MBD5: variants seen among roughly 807,000 people sequenced by gnomAD.
MBD5 encodes the protein methyl-CpG binding domain protein 5.
Under a neutral mutation model 117.3 loss-of-function variants are expected in MBD5, and 13 were observed. That is an observed-to-expected ratio of 0.11 (90% CI 0.07 to 0.18). The LOEUF (loss-of-function observed/expected upper bound fraction) is 0.18, where lower values mean the gene tolerates loss of function less well. Ranked by LOEUF, MBD5 falls within the 10% of genes least tolerant of loss-of-function variation. The pLI, the probability that MBD5 is intolerant of heterozygous loss-of-function variation, is 1.00. For synonymous variants in MBD5, 727 were observed against 766.4 expected (o/e 0.95, Z 0.85); for missense variants, 1,879 against 2,093.8 (o/e 0.90, Z 2.00).
chr2:148,248,863 T>C (rs1700403393), intron 3 of MBD5, among the ~76,000 whole-genome samples: 1 of 151,954 alleles, frequency 6.6e-6, no homozygotes, highest in Non-Finnish European at 1.5e-5. Context: ...TAAAAGAGGA[T>C]ATAAAATTAG....
rs190613776 is a variant in MBD5 at position 148,294,666 on chromosome 2, A to G, written c.-679-47548A>G. 3.6e-3 allele frequency among the ~76,000 whole-genome samples: 543 copies of G among 151,300 alleles called. 2 individuals are homozygous for G. Among genetic ancestry groups the G allele is most frequent in the Non-Finnish European group, 7.0e-3 (473 of 67,866 alleles). On this transcript the variant is annotated intron_variant, in intron 3 of 13. Coordinates refer to ENST00000642680, the MANE Select transcript of MBD5 (RefSeq NM_001378120.1). ...TACAGCCACACACCACCATGCCCAG[A>G]TGATTTTTTTTGTATTTTTAGTAGA...
At chr2:148,367,789 C>T (rs997819667) in intron 4 of MBD5, among the ~76,000 whole-genome samples, 2 of 152,128 alleles carry the variant, frequency 1.3e-5, no homozygotes, top group African/African-American at 4.8e-5. Flanking sequence ...TAGCATTTCA[C>T]ACCAGTTAGA....
chr2:148,354,832 T>C (rs188228678), intron 4 of MBD5, among the ~76,000 whole-genome samples: 2 of 152,352 alleles, frequency 1.3e-5, no homozygotes, highest in East Asian at 1.9e-4. Flanking sequence ...TGGTATCTCA[T>C]TGTGATTTTG....
intron 3 of MBD5, among the ~76,000 whole-genome samples, chr2:148,256,817 G>C (rs1384951681): frequency 6.6e-6 from 1 of 152,248 alleles, no homozygotes; most frequent in Non-Finnish European, 1.5e-5. Context: ...TAGGCCCCAT[G>C]ACCTTATCTT....
chr2:148,227,289 TA>T (rs1699855908), intron 2 of MBD5, among the ~76,000 whole-genome samples: 1 of 152,206 alleles, frequency 6.6e-6, no homozygotes, highest in Non-Finnish European at 1.5e-5. Flanking sequence ...TTAATTTTTG[TA>T]TAAGGTGTAA....
rs141698360 is a variant in MBD5 at position 148,109,157 on chromosome 2, T to C, written c.-924-69543T>C. 1.8e-4 allele frequency among the ~76,000 whole-genome samples: 27 copies of C among 152,258 alleles called. No homozygotes were observed. In the East Asian group the frequency reaches 4.4e-3, roughly 25 times the overall value. On this transcript the variant is annotated intron_variant, in intron 1 of 13. Transcript: ENST00000642680. The stretch of plus-strand genomic sequence containing the variant: ...ATATTTGGCCAGGTGTGGTGACTCA[T>C]GCCTATAATCTCAGCACTTTGGGAG...
chr2:148,324,706 G>T (rs1400672386), intron 3 of MBD5, among the ~76,000 whole-genome samples: 2 of 152,192 alleles, frequency 1.3e-5, no homozygotes, highest in African/African-American at 2.4e-5. Context: ...CTTTGCTGAA[G>T]TTGCTTATCA....
At chr2:148,238,697 T>C (rs1214029370) in intron 3 of MBD5, among the ~76,000 whole-genome samples, 2 of 152,114 alleles carry the variant, frequency 1.3e-5, no homozygotes, top group Non-Finnish European at 2.9e-5. Flanking sequence ...TGAAGCCTGG[T>C]GGGGAGAATT....
Position 148,152,075 on chromosome 2 carries a change from T to C in MBD5, c.-924-26625T>C, listed in dbSNP as rs1697690921. Among the ~76,000 whole-genome samples, 8 of 152,102 alleles carry C rather than the reference T, an allele frequency of 5.3e-5. No homozygotes were observed. In the South Asian group the frequency reaches 1.7e-3, roughly 32 times the overall value. ...TCTTTCCTGCTTTCTCTTGTGGGCA[T>C]TTAGTGCTATAAATTTCCCTCTACA... On this transcript the variant is annotated intron_variant, in intron 1 of 13. Transcript: ENST00000642680.
intron 1 of MBD5, among the ~76,000 whole-genome samples, chr2:148,099,865 G>A (rs1338492995): frequency 6.6e-6 from 1 of 152,126 alleles, no homozygotes; most frequent in South Asian, 2.1e-4. Flanking sequence ...GGTATAGGTG[G>A]AAATGATCAT....
chr2:148,403,084 T>C (rs1001949831), intron 4 of MBD5, among the ~76,000 whole-genome samples: 38 of 152,298 alleles, frequency 2.5e-4, no homozygotes, highest in African/African-American at 9.1e-4. Flanking sequence ...ACAGTTTTTA[T>C]CTCTAGAAGT....
intron 4 of MBD5, among the ~76,000 whole-genome samples, chr2:148,376,660 T>C (rs1703996099): frequency 6.8e-6 from 1 of 146,588 alleles, no homozygotes; most frequent in Non-Finnish European, 1.5e-5. Flanking sequence ...ATTAGGGTAC[T>C]GTATTGGTCA....
chr2:148,051,881 G>A (rs1403607822), intron 1 of MBD5, among the ~76,000 whole-genome samples: 1 of 151,842 alleles, frequency 6.6e-6, no homozygotes, highest in African/African-American at 2.4e-5. Flanking sequence ...GAGTTAAGGA[G>A]TATTCTTTCC....
chr2:148,286,287 T>C (rs1190959358), intron 3 of MBD5, among the ~76,000 whole-genome samples: 1 of 152,244 alleles, frequency 6.6e-6, no homozygotes, highest in Non-Finnish European at 1.5e-5. Flanking sequence ...TATTTCATAT[T>C]CATGTGTCAT....
At chr2:148,275,693 G>A (rs1467162274) in intron 3 of MBD5, among the ~76,000 whole-genome samples, 1 of 151,956 alleles carries the variant, frequency 6.6e-6, no homozygotes, top group African/African-American at 2.4e-5. Flanking sequence ...ATTTAGACTG[G>A]TGTTTGAGCA....
At chr2:148,445,586 T>G (rs868064997) in intron 4 of MBD5, among the ~76,000 whole-genome samples, 4 of 151,348 alleles carry the variant, frequency 2.6e-5, no homozygotes, top group South Asian at 2.1e-4. Flanking sequence ...GAATAGTGCC[T>G]CAATAAACAT....
chr2:148,381,605 G>A (rs1704145895), intron 4 of MBD5, among the ~76,000 whole-genome samples: 1 of 152,084 alleles, frequency 6.6e-6, no homozygotes, highest in South Asian at 2.1e-4. Context: ...GAAATACAGA[G>A]AATGCCACAA....
chr2:148,270,656 T>C (rs1033771867), intron 3 of MBD5, among the ~76,000 whole-genome samples: 2 of 152,216 alleles, frequency 1.3e-5, no homozygotes, highest in African/African-American at 4.8e-5. Context: ...TTCAAAGTGC[T>C]GGCATTACAG....
At chr2:148,428,980 C>G (rs1430639341) in intron 4 of MBD5, among the ~76,000 whole-genome samples, 1 of 152,020 alleles carries the variant, frequency 6.6e-6, no homozygotes, top group Non-Finnish European at 1.5e-5. Flanking sequence ...GCAACAAAAG[C>G]AAAAATTGAC....
Sources: gnomAD v4.1 joint callset for allele counts (sites outside exome capture counted in the v4.1 genomes callset) on GRCh38, gnomAD v4.1.1 for gene constraint, MANE v1.5 for transcripts, NCBI Gene and HGNC (gene_info 2026-07-23, HGNC 2026-07-21) for gene names.